DGKB: variants seen among roughly 807,000 people sequenced by gnomAD.
The protein encoded by DGKB is 90 kDa diacylglycerol kinase.
DGKB carries 67 observed loss-of-function variants against 114.3 expected under a neutral mutation model. That is an observed-to-expected ratio of 0.59 (90% CI 0.48 to 0.72). The LOEUF is 0.72. Ranked by LOEUF, DGKB falls within the 30% of genes least tolerant of loss-of-function variation. The probability of loss-of-function intolerance (pLI) is 0.00; values close to 1 mark genes in which losing one functional copy is unlikely to be tolerated. For synonymous variants in DGKB, 398 were observed against 323.1 expected (o/e 1.23, Z -2.49); for missense variants, 907 against 975.2 (o/e 0.93, Z 0.93).
At position 14,540,752 on chromosome 7, in the gene DGKB, G is replaced by A. The variant is rs184185150; in HGVS notation, c.1770+33460C>T. Among the ~76,000 whole-genome samples the A allele has an allele frequency of 2.0e-5, 3 of 152,166 alleles. No individual in the cohort carries two copies. In the East Asian group the frequency reaches 5.8e-4, roughly 29 times the overall value. On this transcript the variant is annotated intron_variant, in intron 20 of 25. Transcript: ENST00000402815. ...ATTGTGGAAAGAACTCAACGTAATA[G>A]TAACAATGCCAACTACATATTTAAA... is the stretch of plus-strand genomic sequence containing the variant.
intron 13 of DGKB, among the ~76,000 whole-genome samples, chr7:14,657,849 C>A (rs1440085453): frequency 2.0e-5 from 3 of 151,880 alleles, no homozygotes; most frequent in African/African-American, 7.2e-5. Flanking sequence ...TTGGGATTGT[C>A]ATTATTAACT....
chr7:14,708,867 AG>A (rs1826796920), intron 6 of DGKB, among the ~76,000 whole-genome samples: 1 of 150,994 alleles, frequency 6.6e-6, no homozygotes, highest in Non-Finnish European at 1.5e-5. Context: ...AAACCCTAAA[AG>A]AAAACCTAGG....
intron 23 of DGKB, among the ~76,000 whole-genome samples, chr7:14,213,929 G>A (rs927811938): frequency 6.6e-6 from 1 of 152,054 alleles, no homozygotes; most frequent in Non-Finnish European, 1.5e-5. Context: ...ATTTCAGTTT[G>A]CATTTCCCTA....
At chr7:14,635,869 G>C (rs1259501722) in intron 13 of DGKB, among the ~76,000 whole-genome samples, 2 of 151,440 alleles carry the variant, frequency 1.3e-5, no homozygotes, top group Non-Finnish European at 3.0e-5. Context: ...ATAAAAACGA[G>C]AGCCAGTTCT....
chr7:14,398,793 T>TAA (rs11458922), intron 21 of DGKB, among the ~76,000 whole-genome samples: 85 of 147,514 alleles, frequency 5.8e-4, no homozygotes, highest in East Asian at 3.2e-3. Context: ...GGTCTATGAC[T>TAA]AAAAAAAAAA....
chr7:14,314,783 G>A (rs990811906), intron 23 of DGKB, among the ~76,000 whole-genome samples: 8 of 151,254 alleles, frequency 5.3e-5, no homozygotes, highest in South Asian at 2.1e-4. Context: ...TACAGAGAAC[G>A]CCACAAAGAT....
At chr7:14,873,266 T>G (rs895948886) in intron 1 of DGKB, among the ~76,000 whole-genome samples, 5 of 152,156 alleles carry the variant, frequency 3.3e-5, no homozygotes, top group Non-Finnish European at 5.9e-5. Context: ...TTCTGTGGTC[T>G]TGCATTCAAA....
chr7:14,714,099 AC>A (rs1340877872), intron 6 of DGKB, among the ~76,000 whole-genome samples: 20 of 151,606 alleles, frequency 1.3e-4, no homozygotes, highest in African/African-American at 4.4e-4. Flanking sequence ...ACACACACAC[AC>A]ACACACACAC....
chr7:14,188,659 C>CA (rs35808078), intron 23 of DGKB, among the ~76,000 whole-genome samples: 5,477 of 33,934 alleles, frequency 0.16, 911 homozygotes, highest in Non-Finnish European at 0.17. Context: ...GACTCCGTCT[C>CA]AAAAAAAAAA....
intron 21 of DGKB, among the ~76,000 whole-genome samples, chr7:14,467,720 T>C (rs951900340): frequency 3.3e-5 from 5 of 152,158 alleles, no homozygotes; most frequent in Non-Finnish European, 7.4e-5. Flanking sequence ...ATTAACTTTG[T>C]TCAGTCAGAA....
intron 1 of DGKB, among the ~76,000 whole-genome samples, chr7:14,910,928 C>G (rs751289722): frequency 7.2e-5 from 11 of 151,878 alleles, no homozygotes; most frequent in African/African-American, 2.7e-4. Flanking sequence ...ATTTAATAAC[C>G]TAATTAAACT....
intron 21 of DGKB, among the ~76,000 whole-genome samples, chr7:14,464,986 T>C (rs1190960215): frequency 6.6e-6 from 1 of 152,118 alleles, no homozygotes; most frequent in East Asian, 1.9e-4. Context: ...GTGATATGAG[T>C]AGCAGCGACA....
At chr7:14,679,424 C>T (rs989590174) in intron 12 of DGKB, among the ~76,000 whole-genome samples, 2 of 151,954 alleles carry the variant, frequency 1.3e-5, no homozygotes, top group East Asian at 3.9e-4. Flanking sequence ...CAAGATGGCA[C>T]AACTAGTAAG....
intron 1 of DGKB, among the ~76,000 whole-genome samples, chr7:14,960,868 A>C (rs1352786022): frequency 6.6e-6 from 1 of 152,144 alleles, no homozygotes; most frequent in African/African-American, 2.4e-5. Flanking sequence ...TTCTCTTGTC[A>C]AATTAAGCCA....
chr7:14,490,392 T>C (rs1210331430), intron 20 of DGKB, among the ~76,000 whole-genome samples: 1 of 152,202 alleles, frequency 6.6e-6, no homozygotes, highest in Non-Finnish European at 1.5e-5. Context: ...CAATTAGATA[T>C]CTCAAAGTGA....
chr7:14,871,866 A>G (rs2128197664), intron 1 of DGKB, among the ~76,000 whole-genome samples: 1 of 152,236 alleles, frequency 6.6e-6, no homozygotes, highest in Admixed American at 6.6e-5. Flanking sequence ...TGAATTTTCA[A>G]TTTTACCCAT....
chr7:14,643,319 G>A (rs1402727648), intron 13 of DGKB, among the ~76,000 whole-genome samples: 1 of 151,272 alleles, frequency 6.6e-6, no homozygotes. Context: ...CGAGCCTAGT[G>A]CAGAGAGTTT....
intron 1 of DGKB, among the ~76,000 whole-genome samples, chr7:14,950,875 C>G (rs1239623468): frequency 6.6e-6 from 1 of 151,614 alleles, no homozygotes; most frequent in Non-Finnish European, 1.5e-5. Context: ...TCCAGTAAAA[C>G]AGAAAGTTGA....
chr7:14,895,406 T>A (rs1781940749), intron 1 of DGKB, among the ~76,000 whole-genome samples: 2 of 151,530 alleles, frequency 1.3e-5, no homozygotes, highest in South Asian at 4.2e-4. Context: ...GGTTTGCAGG[T>A]GGGGCAGGAG....
Sources: gnomAD v4.1 joint callset for allele counts (sites outside exome capture counted in the v4.1 genomes callset) on GRCh38, gnomAD v4.1.1 for gene constraint, MANE v1.5 for transcripts, NCBI Gene and HGNC (gene_info 2026-07-23, HGNC 2026-07-21) for gene names.